Variants in GRM5 observed in about 807,000 individuals in gnomAD.
GRM5 encodes the protein glutamate metabotropic receptor 5.
GRM5 carries 19 observed loss-of-function variants against 83.1 expected under a neutral mutation model. The ratio of observed to expected loss-of-function variants is 0.23; its 90% confidence interval spans 0.16 to 0.34. The LOEUF is 0.34. Among genes scored for constraint, GRM5 ranks in the 10% least tolerant of loss-of-function variants. The pLI is 1.00. For missense variants in GRM5, 1,160 were observed against 1,588.3 expected (o/e 0.73, Z 4.58); for synonymous variants, 675 against 633.6 (o/e 1.07, Z -0.98).
chr11:88,796,344 T>G (rs1943272902), intron 3 of GRM5, among the ~76,000 whole-genome samples: 1 of 152,236 alleles, frequency 6.6e-6, no homozygotes, highest in Non-Finnish European at 1.5e-5. Flanking sequence ...AATACCATAC[T>G]TCTGGGTCCT....
intron 2 of GRM5, among the ~76,000 whole-genome samples, chr11:89,011,293 G>T (rs1416608697): frequency 6.6e-6 from 1 of 151,858 alleles, no homozygotes; most frequent in Non-Finnish European, 1.5e-5. Flanking sequence ...ACATGGTATT[G>T]CAATATTAAT....
intron 2 of GRM5, among the ~76,000 whole-genome samples, chr11:89,006,491 A>G (rs550111021): frequency 9.2e-5 from 14 of 152,216 alleles, no homozygotes; most frequent in African/African-American, 3.1e-4. Context: ...CTAAATGCAC[A>G]CCAGATCAAG....
At chr11:88,615,323 G>T (rs1938444500) in intron 4 of GRM5, among the ~76,000 whole-genome samples, 1 of 152,066 alleles carries the variant, frequency 6.6e-6, no homozygotes, top group Non-Finnish European at 1.5e-5. Context: ...AGAACAAATA[G>T]AAGTTTAACT....
intron 3 of GRM5, among the ~76,000 whole-genome samples, chr11:88,757,390 C>A (rs925544158): frequency 1.3e-5 from 2 of 152,172 alleles, no homozygotes; most frequent in African/African-American, 4.8e-5. Context: ...CTTCCCCTAC[C>A]CTACTGCCAT....
At chr11:88,926,579 C>A (rs746153670) in intron 2 of GRM5, among the ~76,000 whole-genome samples, 1 of 152,140 alleles carries the variant, frequency 6.6e-6, no homozygotes, top group African/African-American at 2.4e-5. Context: ...GTCTATTTAG[C>A]AACTCAACTT....
At chr11:88,888,144 C>T (rs1478594388) in intron 2 of GRM5, among the ~76,000 whole-genome samples, 3 of 152,268 alleles carry the variant, frequency 2.0e-5, no homozygotes, top group South Asian at 4.1e-4. Flanking sequence ...CTTCTCATTG[C>T]AGGACCTCAG....
At chr11:88,870,598 T>C (rs1247300551) in intron 2 of GRM5, among the ~76,000 whole-genome samples, 1 of 151,626 alleles carries the variant, frequency 6.6e-6, no homozygotes, top group East Asian at 1.9e-4. Flanking sequence ...TTTCATAGTT[T>C]GTAGTCTGAT....
chr11:88,987,463 A>C (rs2135037561), intron 2 of GRM5, among the ~76,000 whole-genome samples: 1 of 152,088 alleles, frequency 6.6e-6, no homozygotes, highest in South Asian at 2.1e-4. Context: ...AGGCTTGCTT[A>C]GGTAAACAAA....
chr11:88,773,930 TG>T (rs1352794104), intron 3 of GRM5, among the ~76,000 whole-genome samples: 1 of 152,230 alleles, frequency 6.6e-6, no homozygotes, highest in East Asian at 1.9e-4. Flanking sequence ...ATCTTGGCAA[TG>T]AAGGCTCTTT....
Position 89,047,731 on chromosome 11 carries a change from T to C in GRM5, c.142A>G (p.Thr48Ala). 2.5e-6 allele frequency: 4 copies of C among 1,614,066 alleles called. No individual in the cohort carries two copies. Among genetic ancestry groups the C allele is most frequent in the Non-Finnish European group, 2.5e-6 (3 of 1,180,006 alleles). ...TTCCTCTCATGAACTTTGTCCACAG[T>C]AGGCTGGTGATGAACAGAAAAGAGA... ...GALFSVHHQP[T>A]VDKVHERKCG... The change falls in exon 2 of 10, where the codon ACT becomes GCT. Residue 48 changes from threonine (T) to alanine (A), a missense_variant. Around this residue, in one of 9 missense-constraint regions of GRM5, gnomAD observed 71 missense variants for 145.8 expected, o/e 0.49. Transcript: ENST00000305447. This position sits in a 1 kb window ranked among gnomAD's most constrained non-coding sequence, Gnocchi z 5.1.
intron 1 of GRM5, among the ~76,000 whole-genome samples, chr11:89,052,213 A>T (rs1256629349): frequency 6.6e-6 from 1 of 152,184 alleles, no homozygotes; most frequent in Non-Finnish European, 1.5e-5. Flanking sequence ...GACTCAGGGG[A>T]GAGTTTTGGT....
chr11:88,838,516 T>C (rs1944135133), intron 3 of GRM5, among the ~76,000 whole-genome samples: 1 of 152,212 alleles, frequency 6.6e-6, no homozygotes, highest in South Asian at 2.1e-4. Flanking sequence ...GAAGAATATT[T>C]GGTCACAGAT....
At chr11:88,618,796 C>T (rs1315313619) in intron 4 of GRM5, among the ~76,000 whole-genome samples, 1 of 152,080 alleles carries the variant, frequency 6.6e-6, no homozygotes, top group Non-Finnish European at 1.5e-5. Flanking sequence ...TGATAGTGCA[C>T]CAAAGAACAG....
intron 1 of GRM5, among the ~76,000 whole-genome samples, chr11:89,063,856 C>T (rs574989258): frequency 6.6e-6 from 1 of 152,348 alleles, no homozygotes; most frequent in East Asian, 1.9e-4. Flanking sequence ...GCTCTGTCAA[C>T]AGATGCTCAC....
At chr11:88,698,613 G>A (rs912578774) in intron 3 of GRM5, among the ~76,000 whole-genome samples, 1 of 152,134 alleles carries the variant, frequency 6.6e-6, no homozygotes, top group African/African-American at 2.4e-5. Flanking sequence ...TCTAGTTACT[G>A]CCACCATCAA....
chr11:88,698,078 T>A (rs181353529), intron 3 of GRM5, among the ~76,000 whole-genome samples: 7 of 152,320 alleles, frequency 4.6e-5, no homozygotes, highest in Admixed American at 2.0e-4. Flanking sequence ...TTTACTGTCA[T>A]TCAGACTCGT....
In GRM5 at chr11:88,544,952, C is replaced by T. The variant is rs1004894499; in HGVS notation, c.2631-19548G>A. Among the ~76,000 whole-genome samples the T allele has an allele frequency of 5.3e-5, 8 of 152,270 alleles. 1 individual carries two copies. The highest frequency in any genetic ancestry group is 3.4e-3 in the Middle Eastern group (1 of 292). On this transcript the variant is annotated intron_variant, in intron 8 of 9. Coordinates refer to ENST00000305447, the MANE Select transcript of GRM5 (RefSeq NM_001143831.3). Reference sequence around the variant, plus strand: ...CAACTAATGAGAATGTTCTATTTGACGAATGAACATTGATTTACATCTTTG... The same window carrying T: ...CAACTAATGAGAATGTTCTATTTGATGAATGAACATTGATTTACATCTTTG...
chr11:89,005,802 G>T (rs1350066548), intron 2 of GRM5, among the ~76,000 whole-genome samples: 1 of 152,060 alleles, frequency 6.6e-6, no homozygotes, highest in Non-Finnish European at 1.5e-5. Flanking sequence ...TGATTTAAAT[G>T]GTTATCACAA....
At chr11:88,947,803 T>C (rs1206477546) in intron 2 of GRM5, among the ~76,000 whole-genome samples, 1 of 152,200 alleles carries the variant, frequency 6.6e-6, no homozygotes, top group Non-Finnish European at 1.5e-5. Context: ...AAATATCTAC[T>C]ATGTTTAAAG....
Sources: allele counts gnomAD v4.1 joint callset (sites outside exome capture counted in the v4.1 genomes callset), GRCh38; gene constraint gnomAD v4.1.1; regional missense constraint gnomAD v4.1.1; non-coding constraint Gnocchi (gnomAD v3.1); transcripts MANE v1.5; gene names NCBI Gene and HGNC (gene_info 2026-07-23, HGNC 2026-07-21).